The following ARL15 variants were observed in gnomAD, a reference collection of about 807,000 sequenced individuals.
The protein encoded by ARL15 is ADP-ribosylation factor-like protein 15.
A neutral mutation model predicts 25.2 loss-of-function variants in ARL15; 19 were observed. That is an observed-to-expected ratio of 0.75 (90% CI 0.53 to 1.10). The LOEUF is 1.10. ARL15 is among the 50% of genes least tolerant of loss of function. The pLI is 0.00. For synonymous variants in ARL15, 94 were observed against 86.8 expected, an observed-to-expected ratio of 1.08 and a Z score of -0.46; for missense variants, 220 against 246.0, an observed-to-expected ratio of 0.89 and a Z score of 0.71.
chr5:54,231,921 G>A (rs144860422), intron 1 of ARL15, among the ~76,000 whole-genome samples: 11 of 152,192 alleles, frequency 7.2e-5, no homozygotes, highest in Non-Finnish European at 1.3e-4. Flanking sequence ...CTCAACATAT[G>A]AACTTGGGGA....
chr5:53,931,276 G>A (rs904120757), intron 4 of ARL15, among the ~76,000 whole-genome samples: 1 of 152,020 alleles, frequency 6.6e-6, no homozygotes, highest in Non-Finnish European at 1.5e-5. Context: ...ATCACACAGG[G>A]GGCTATTCAC....
chr5:54,022,383 A>G lies in ARL15; in HGVS notation c.462+90819T>C, dbSNP rs181768948. 5.2e-3 allele frequency among the ~76,000 whole-genome samples: 795 copies of G among 151,884 alleles called. 3 individuals are homozygous for G. The highest frequency in any genetic ancestry group is 0.011 in the Admixed American group (166 of 15,252). ...ATCTCTTGCCCCTCTTTCCCTCCCA[A>G]AGTGCAGGAAGGTGCTTTCTCTGAA... On this transcript the variant is annotated intron_variant, in intron 4 of 4. Transcript: ENST00000504924.
At chr5:54,196,450 T>C (rs367658057) in intron 1 of ARL15, among the ~76,000 whole-genome samples, 2 of 152,142 alleles carry the variant, frequency 1.3e-5, no homozygotes, top group African/African-American at 4.8e-5. Flanking sequence ...AAGTTACATA[T>C]ATGGTCCTGT....
chr5:54,267,233 A>G (rs1279650838), intron 1 of ARL15, among the ~76,000 whole-genome samples: 2 of 152,210 alleles, frequency 1.3e-5, no homozygotes, highest in East Asian at 3.8e-4. Context: ...CTGAGACTAC[A>G]GGCATGTGCC....
rs572186298 is a variant in ARL15 at position 54,051,818 on chromosome 5, G to C, written c.462+61384C>G. ...TTACTCAATTGATTTTAAAACTTAC[G>C]TTCACACAAAGCCTATATGCAAATG... On this transcript the variant is annotated intron_variant, in intron 4 of 4. Transcript: ENST00000504924. Among the ~76,000 whole-genome samples the C allele has an allele frequency of 2.6e-5, 4 of 152,104 alleles. No individual in the cohort carries two copies. The East Asian group carries it at 7.7e-4, about 29-fold the overall frequency.
intron 3 of ARL15, among the ~76,000 whole-genome samples, chr5:54,125,945 A>C (rs907043598): frequency 6.6e-6 from 1 of 152,144 alleles, no homozygotes; most frequent in African/African-American, 2.4e-5. Context: ...TGCATTCTCA[A>C]AATACTTCTT....
chr5:54,117,871 A>G (rs942770867), intron 3 of ARL15, among the ~76,000 whole-genome samples: 11 of 152,222 alleles, frequency 7.2e-5, no homozygotes, highest in Admixed American at 7.2e-4. Flanking sequence ...AGCAAAAGCT[A>G]GAATTTTAGA....
chr5:54,279,807 G>A (rs1758009087), intron 1 of ARL15, among the ~76,000 whole-genome samples: 1 of 152,162 alleles, frequency 6.6e-6, no homozygotes, highest in Non-Finnish European at 1.5e-5. Context: ...GATATCAGCA[G>A]TTCCAATATT....
intron 1 of ARL15, among the ~76,000 whole-genome samples, chr5:54,236,415 C>T (rs907962099): frequency 1.7e-5 from 2 of 116,592 alleles, no homozygotes; most frequent in Admixed American, 1.7e-4. Flanking sequence ...CAGACACACA[C>T]ACACACACAC....
At chr5:54,021,448 A>C (rs184933326) in intron 4 of ARL15, among the ~76,000 whole-genome samples, 1 of 152,342 alleles carries the variant, frequency 6.6e-6, no homozygotes, top group Non-Finnish European at 1.5e-5. Flanking sequence ...TCAAATATAA[A>C]CTTTAGAACT....
chr5:53,895,356 T>C (rs1744838109), intron 4 of ARL15, among the ~76,000 whole-genome samples: 2 of 152,226 alleles, frequency 1.3e-5, no homozygotes, highest in African/African-American at 4.8e-5. Flanking sequence ...GGGTCATCTC[T>C]CATTAAAGAA....
chr5:53,985,817 C>T (rs553213485), intron 4 of ARL15, among the ~76,000 whole-genome samples: 1 of 152,222 alleles, frequency 6.6e-6, no homozygotes, highest in South Asian at 2.1e-4. Context: ...TTTTCAAATA[C>T]ACACAAAAGT....
chr5:54,172,102 T>C (rs1382976131), intron 1 of ARL15, among the ~76,000 whole-genome samples, 174 bp from the exon 2 acceptor site: 1 of 152,194 alleles, frequency 6.6e-6, no homozygotes, highest in Non-Finnish European at 1.5e-5. Context: ...TCTAGCCAAG[T>C]GATCAAAGTT....
At chr5:54,234,798 C>T (rs2112562493) in intron 1 of ARL15, among the ~76,000 whole-genome samples, 1 of 152,160 alleles carries the variant, frequency 6.6e-6, no homozygotes, top group South Asian at 2.1e-4. Context: ...ATTGGATTGT[C>T]AGAAGAATTA....
chr5:54,124,402 C>T (rs1354328834), intron 3 of ARL15, among the ~76,000 whole-genome samples: 2 of 152,124 alleles, frequency 1.3e-5, no homozygotes, highest in East Asian at 3.9e-4. Flanking sequence ...TTATCATAGG[C>T]TTGCTGCTGT....
At chr5:54,011,440 GT>G (rs1427860145) in intron 4 of ARL15, among the ~76,000 whole-genome samples, 1 of 151,870 alleles carries the variant, frequency 6.6e-6, no homozygotes, top group African/African-American at 2.4e-5. Context: ...TTGTTGTTTT[GT>G]TTTTTGTTTG....
chr5:53,981,306 A>G, intron 4 of ARL15, among the ~76,000 whole-genome samples: 1 of 152,210 alleles, frequency 6.6e-6, no homozygotes, highest in Admixed American at 6.5e-5. Flanking sequence ...TTATTGCCTT[A>G]GGACAGTCAT....
intron 1 of ARL15, among the ~76,000 whole-genome samples, chr5:54,204,063 C>A (rs1170841182): frequency 6.6e-6 from 1 of 152,062 alleles, no homozygotes; most frequent in African/African-American, 2.4e-5. Flanking sequence ...AATCTGGAAG[C>A]TGCTACCTAA....
intron 4 of ARL15, among the ~76,000 whole-genome samples, chr5:54,071,589 T>C (rs1447331831): frequency 1.4e-5 from 2 of 143,110 alleles, no homozygotes; most frequent in Non-Finnish European, 3.0e-5. Flanking sequence ...GAATTTTTGG[T>C]ACACTATTGT....
Sources: gnomAD v4.1 joint callset for allele counts (sites outside exome capture counted in the v4.1 genomes callset) on GRCh38, gnomAD v4.1.1 for gene constraint, MANE v1.5 for transcripts, NCBI Gene and HGNC (gene_info 2026-07-23, HGNC 2026-07-21) for gene names.